The following MYH15 variants were observed in gnomAD, a reference collection of about 807,000 sequenced individuals.
The protein encoded by MYH15 is myosin heavy chain 15.
Under a neutral mutation model 240.5 loss-of-function variants are expected in MYH15, and 227 were observed. The observed-to-expected ratio is 0.94, with a 90% CI of 0.85 to 1.05. MYH15 has a LOEUF of 1.05. Ranked by LOEUF, MYH15 falls within the 50% of genes least tolerant of loss-of-function variation. The pLI, the probability that MYH15 is intolerant of heterozygous loss-of-function variation, is 0.00. For missense variants in MYH15, 2,217 were observed against 2,247.5 expected (o/e 0.99, Z 0.27); for synonymous variants, 785 against 796.7 (o/e 0.99, Z 0.25).
chr3:108,501,369 C>T (rs1370675934), intron 3 of MYH15, among the ~76,000 whole-genome samples: 2 of 152,086 alleles, frequency 1.3e-5, no homozygotes, highest in East Asian at 1.9e-4. Flanking sequence ...ATTTAATCCC[C>T]CAAGCTCCCA....
Position 108,402,330 on chromosome 3 carries a change from G to A in MYH15, c.4736+3008C>T, listed in dbSNP as rs533879338. Among the ~76,000 whole-genome samples the A allele has an allele frequency of 1.2e-4, 18 of 152,306 alleles. No homozygotes were observed. In the East Asian group the frequency reaches 2.3e-3, roughly 20 times the overall value. On this transcript the variant is annotated intron_variant, in intron 33 of 40. Transcript: ENST00000693548. The stretch of plus-strand genomic sequence containing the variant: ...GATGGTGTATATAAATTAAGACCAC[G>A]TGGCAAAGTTTGACATGACTGAGTT...
At chr3:108,402,338 G>A (rs1297125606) in intron 33 of MYH15, among the ~76,000 whole-genome samples, 1 of 152,214 alleles carries the variant, frequency 6.6e-6, no homozygotes, top group Non-Finnish European at 1.5e-5. Context: ...ACGTGGCAAA[G>A]TTTGACATGA....
At chr3:108,517,932 G>A (rs1349941753) in intron 1 of MYH15, among the ~76,000 whole-genome samples, 2 of 152,130 alleles carry the variant, frequency 1.3e-5, no homozygotes, top group Non-Finnish European at 2.9e-5. Flanking sequence ...TAGGTGCTAG[G>A]ATAGAGCAAT....
Position 108,421,144 on chromosome 3 carries a change from A to T in MYH15, c.3773T>A (p.Val1258Glu). 1 of 1,614,076 alleles carries T rather than the reference A, an allele frequency of 6.2e-7. No homozygotes were observed. Among genetic ancestry groups the T allele is most frequent in the Non-Finnish European group, 8.5e-7 (1 of 1,179,996 alleles). Residue 1258 changes from valine to glutamate, a missense_variant, in exon 28 of 41, where the codon GTG (valine) becomes GAG (glutamate). Physicochemically the swap from Val to Glu is moderately radical, Grantham distance 121 (BLOSUM62 -2). Coordinates refer to ENST00000693548, the MANE Select transcript of MYH15 (RefSeq NM_014981.3). ...LHEATAKLDK[V>E]TQLANDLAAQ... ...TGCCAGGTCATTTGCCAACTGAGTC[A>T]CCTTATCTAGCTTTGCAGTTGCTTC...
intron 27 of MYH15, among the ~76,000 whole-genome samples, chr3:108,425,412 G>A (rs948746162): frequency 6.6e-6 from 1 of 151,862 alleles, no homozygotes; most frequent in African/African-American, 2.4e-5. Context: ...AATATAGGAT[G>A]GTTTGAAAAA....
At chr3:108,410,540 A>G in intron 31 of MYH15, 43 bp downstream of exon 31, 1 of 1,435,924 alleles carries the variant, frequency 7.0e-7, no homozygotes, top group Non-Finnish European at 9.4e-7. Context: ...GCTCTTCCTG[A>G]GCTACCCGCT....
chr3:108,500,834 A>G (rs913679516), intron 3 of MYH15, among the ~76,000 whole-genome samples: 3 of 152,218 alleles, frequency 2.0e-5, no homozygotes, highest in Non-Finnish European at 4.4e-5. Flanking sequence ...CTTGAATCCA[A>G]TAACTTGTGT....
intron 25 of MYH15, among the ~76,000 whole-genome samples, chr3:108,431,425 T>C (rs1291006043): frequency 6.6e-6 from 1 of 152,234 alleles, no homozygotes; most frequent in Non-Finnish European, 1.5e-5. Flanking sequence ...TAACAAGATC[T>C]AACGTTTTAT....
chr3:108,489,731 C>T (rs1017755399), intron 9 of MYH15, among the ~76,000 whole-genome samples: 5 of 152,150 alleles, frequency 3.3e-5, no homozygotes, highest in Non-Finnish European at 5.9e-5. Flanking sequence ...ATCCTCATAT[C>T]GTTAAGATAT....
intron 26 of MYH15, among the ~76,000 whole-genome samples, chr3:108,429,738 T>C (rs551375100): frequency 6.6e-6 from 1 of 152,308 alleles, no homozygotes; most frequent in South Asian, 2.1e-4. Flanking sequence ...CTACTGTGGC[T>C]TAGAAAAAAC....
At chr3:108,399,581 G>A (rs953881849) in intron 33 of MYH15, among the ~76,000 whole-genome samples, 4 of 152,180 alleles carry the variant, frequency 2.6e-5, no homozygotes, top group African/African-American at 9.7e-5. Flanking sequence ...TCCCATAAAG[G>A]ATGACCTAGG....
At chr3:108,440,471 T>C (rs988837547) in intron 23 of MYH15, among the ~76,000 whole-genome samples, 49 of 152,260 alleles carry the variant, frequency 3.2e-4, no homozygotes, top group African/African-American at 1.1e-3. Context: ...ACTTTGGAGA[T>C]TGTGTATCAG....
intron 40 of MYH15, among the ~76,000 whole-genome samples, chr3:108,382,103 A>G (rs1409737932): frequency 6.6e-6 from 1 of 152,050 alleles, no homozygotes; most frequent in Non-Finnish European, 1.5e-5. Context: ...AGGCCCTTCA[A>G]CCTCCTGCAG....
intron 21 of MYH15, among the ~76,000 whole-genome samples, chr3:108,448,928 C>T (rs904637278): frequency 1.3e-5 from 2 of 151,648 alleles, no homozygotes; most frequent in African/African-American, 4.8e-5. Context: ...AAAAAATCAA[C>T]ATAAAAAATT....
chr3:108,485,614 G>A (rs1158296608), intron 10 of MYH15, among the ~76,000 whole-genome samples: 1 of 152,162 alleles, frequency 6.6e-6, no homozygotes. Flanking sequence ...CACAGGTTCT[G>A]ACTTTATTCC....
At chr3:108,535,951 G>A in the MYH15 span, among the ~76,000 whole-genome samples, 1 of 152,152 alleles carries the variant, frequency 6.6e-6, no homozygotes, top group Admixed American at 6.5e-5. Flanking sequence ...TTTTGTTGCT[G>A]AACAAATTGC....
chr3:108,522,595 T>C (rs2083629034), intron 1 of MYH15, among the ~76,000 whole-genome samples: 2 of 152,048 alleles, frequency 1.3e-5, no homozygotes, highest in Admixed American at 6.6e-5. Context: ...CCTTTGAAGA[T>C]TTCTTGCATG....
intron 26 of MYH15, 64 bp downstream of exon 26, chr3:108,430,768 G>T: frequency 1.6e-6 from 2 of 1,277,292 alleles, no homozygotes; most frequent in Non-Finnish European, 1.1e-6. Flanking sequence ...ATTAGTCATT[G>T]AACCACCAGT....
intron 18 of MYH15, among the ~76,000 whole-genome samples, chr3:108,459,068 G>A (rs1442342939): frequency 4.6e-5 from 7 of 152,078 alleles, no homozygotes; most frequent in Admixed American, 6.6e-5. Context: ...TGTAGACAAT[G>A]GCATGGGAGC....
Sources: allele counts gnomAD v4.1 joint callset (sites outside exome capture counted in the v4.1 genomes callset), GRCh38; gene constraint gnomAD v4.1.1; transcripts MANE v1.5; gene names NCBI Gene and HGNC (gene_info 2026-07-23, HGNC 2026-07-21).